Variants in CDH18 observed in about 807,000 individuals in gnomAD.
CDH18 encodes the protein cadherin-18.
In CDH18, 31 loss-of-function variants were observed where a neutral mutation model predicts 67.9. The ratio of observed to expected loss-of-function variants is 0.46; its 90% CI spans 0.34 to 0.62. CDH18 has a LOEUF of 0.62. Ranked by LOEUF, CDH18 falls within the 20% of genes least tolerant of loss-of-function variation. CDH18 has a pLI of 0.01. For missense variants in CDH18, 890 were observed against 975.5 expected (o/e 0.91, Z 1.17); for synonymous variants, 362 against 347.2 (o/e 1.04, Z -0.48).
intron 2 of CDH18, among the ~76,000 whole-genome samples, chr5:19,955,776 C>G (rs1240917951): frequency 1.3e-5 from 2 of 151,952 alleles, no homozygotes; most frequent in Non-Finnish European, 2.9e-5. Context: ...AATAACTACA[C>G]ATTCCCAAAG....
chr5:19,689,531 G>T (rs1186149364), intron 5 of CDH18, among the ~76,000 whole-genome samples: 1 of 151,708 alleles, frequency 6.6e-6, no homozygotes, highest in Non-Finnish European at 1.5e-5. Context: ...AATGTTTAAG[G>T]GTGTCCTACA....
At chr5:20,474,629 A>G (rs1004395444) in intron 1 of CDH18, among the ~76,000 whole-genome samples, 1 of 152,194 alleles carries the variant, frequency 6.6e-6, no homozygotes, top group Admixed American at 6.5e-5. Context: ...AAAGACTAAA[A>G]TGAATGTCTA....
chr5:19,746,415 A>T (rs1416986021), intron 4 of CDH18, among the ~76,000 whole-genome samples: 4 of 152,244 alleles, frequency 2.6e-5, no homozygotes, highest in African/African-American at 9.6e-5. Context: ...CGGGGCTGTC[A>T]TATATTTTTA....
At chr5:19,575,053 A>T (rs938331134) in intron 7 of CDH18, among the ~76,000 whole-genome samples, 2 of 152,056 alleles carry the variant, frequency 1.3e-5, no homozygotes, top group African/African-American at 4.8e-5. Flanking sequence ...AAAACAAAAC[A>T]AAAAACAAAC....
chr5:20,304,745 A>C (rs1474934767), intron 1 of CDH18: 1 of 1,611,206 alleles, frequency 6.2e-7, no homozygotes, highest in African/African-American at 1.3e-5. Context: ...TGAAACAAAA[A>C]CGCTGACTCT....
chr5:20,491,763 A>G (rs1258663258), intron 1 of CDH18, among the ~76,000 whole-genome samples: 1 of 152,190 alleles, frequency 6.6e-6, no homozygotes, highest in Non-Finnish European at 1.5e-5. Context: ...TGTAAATATC[A>G]TCCAAAAACA....
At chr5:20,247,013 T>C (rs1743431859) in intron 2 of CDH18, among the ~76,000 whole-genome samples, 1 of 152,166 alleles carries the variant, frequency 6.6e-6, no homozygotes, top group African/African-American at 2.4e-5. Flanking sequence ...TCACCCCTGA[T>C]ATCCTTCTTT....
chr5:20,469,548 G>T (rs865864726), intron 1 of CDH18, among the ~76,000 whole-genome samples: 1 of 151,988 alleles, frequency 6.6e-6, no homozygotes, highest in South Asian at 2.1e-4. Flanking sequence ...TTGCTGTAAC[G>T]GATACCCCGA....
intron 10 of CDH18, among the ~76,000 whole-genome samples, chr5:19,517,779 T>C (rs2126880359): frequency 6.6e-6 from 1 of 152,218 alleles, no homozygotes; most frequent in African/African-American, 2.4e-5. Flanking sequence ...CCTCTCAGAA[T>C]TGAAAAACTT....
intron 2 of CDH18, among the ~76,000 whole-genome samples, chr5:19,895,711 C>T (rs1347291795): frequency 2.6e-5 from 4 of 152,094 alleles, no homozygotes; most frequent in Admixed American, 6.6e-5. Flanking sequence ...ACATAACACT[C>T]GGATGAATCT....
intron 1 of CDH18, among the ~76,000 whole-genome samples, chr5:20,446,539 C>G (rs1404190573): frequency 6.6e-6 from 1 of 151,822 alleles, no homozygotes; most frequent in Non-Finnish European, 1.5e-5. Context: ...GATTTGTGCC[C>G]CCAAAGAAAT....
At chr5:19,736,989 AGAAT>A (rs1318669783) in intron 4 of CDH18, among the ~76,000 whole-genome samples, 4 of 152,208 alleles carry the variant, frequency 2.6e-5, no homozygotes, top group Admixed American at 1.3e-4. Context: ...TATGACAGAG[AGAAT>A]GAATTCATGA....
chr5:20,546,163 C>T (rs1003430476), intron 1 of CDH18, among the ~76,000 whole-genome samples: 2 of 152,122 alleles, frequency 1.3e-5, no homozygotes, highest in African/African-American at 4.8e-5. Context: ...CTGAGACCAC[C>T]TCAGCCTGGA....
At chr5:19,550,579 C>T (rs1737242254) in intron 8 of CDH18, among the ~76,000 whole-genome samples, 1 of 152,160 alleles carries the variant, frequency 6.6e-6, no homozygotes, top group South Asian at 2.1e-4. Flanking sequence ...CATGTCCCTA[C>T]AAAGGACATG....
intron 1 of CDH18, among the ~76,000 whole-genome samples, chr5:20,408,593 CA>C (rs1002881675): frequency 6.7e-6 from 1 of 149,746 alleles, no homozygotes; most frequent in East Asian, 2.0e-4. Context: ...ATAAATTATA[CA>C]AAAAAGAGAA....
At chr5:19,994,544 C>T (rs1346374035) in intron 2 of CDH18, among the ~76,000 whole-genome samples, 1 of 149,582 alleles carries the variant, frequency 6.7e-6, no homozygotes, top group Non-Finnish European at 1.5e-5. Flanking sequence ...TGAAACTACT[C>T]AGTAAAATAT....
chr5:20,217,632 G>C (rs1740884037), intron 2 of CDH18, among the ~76,000 whole-genome samples: 1 of 151,364 alleles, frequency 6.6e-6, no homozygotes, highest in African/African-American at 2.4e-5. Context: ...AAAACAATTA[G>C]AAAACAAATA....
chr5:19,602,047 G>T (rs1219095070), intron 6 of CDH18, among the ~76,000 whole-genome samples: 1 of 152,056 alleles, frequency 6.6e-6, no homozygotes, highest in Non-Finnish European at 1.5e-5. Flanking sequence ...GAACAAAAGA[G>T]GATGCCTACT....
chr5:19,928,297 A>G (rs180916737), intron 2 of CDH18, among the ~76,000 whole-genome samples: 71 of 152,306 alleles, frequency 4.7e-4, no homozygotes, highest in Non-Finnish European at 8.1e-4. Flanking sequence ...TTTCGGTACT[A>G]AAAACTACTG....
Sources: gnomAD v4.1 joint callset for allele counts (sites outside exome capture counted in the v4.1 genomes callset) on GRCh38, gnomAD v4.1.1 for gene constraint, MANE v1.5 for transcripts, NCBI Gene and HGNC (gene_info 2026-07-23, HGNC 2026-07-21) for gene names.